The following DMD variants were observed in gnomAD, a reference collection of about 807,000 sequenced individuals.
The protein encoded by DMD is mutant dystrophin.
Under a neutral mutation model 330.1 loss-of-function variants are expected in DMD, and 63 were observed. The ratio of observed to expected loss-of-function variants is 0.19; its 90% CI spans 0.16 to 0.24. The LOEUF is 0.24. Ranked by LOEUF, DMD falls within the 10% of genes least tolerant of loss-of-function variation. The probability of loss-of-function intolerance (pLI) is 1.00; values close to 1 mark genes in which losing one functional copy is unlikely to be tolerated. For missense variants in DMD, 3,344 were observed against 2,684.1 expected, an observed-to-expected ratio of 1.25 and a Z score of -5.43; for synonymous variants, 1,223 against 959.8, an observed-to-expected ratio of 1.27 and a Z score of -5.07.
chrX:32,932,699 A>C (rs2089693674), intron 2 of DMD, among the ~76,000 whole-genome samples: 1 of 111,989 alleles, frequency 8.9e-6, no homozygotes, highest in Non-Finnish European at 1.9e-5. Context: ...GTGTAGTTTA[A>C]ACGATTGATG....
At chrX:32,689,253 G>T (rs1157640251) in intron 9 of DMD, among the ~76,000 whole-genome samples, 1 of 109,200 alleles carries the variant, frequency 9.2e-6, no homozygotes, top group Non-Finnish European at 1.9e-5. Flanking sequence ...ACACAATAAC[G>T]CTCCTTTAAT....
chrX:32,618,238 C>A (rs1270668262), intron 11 of DMD, among the ~76,000 whole-genome samples: 1 of 112,105 alleles, frequency 8.9e-6, no homozygotes, highest in African/African-American at 3.2e-5. Context: ...CAGCACTATT[C>A]ACAATCACAA....
intron 2 of DMD, among the ~76,000 whole-genome samples, chrX:32,853,656 C>T (rs1333716474): frequency 4.7e-5 from 5 of 106,212 alleles, no homozygotes; most frequent in Non-Finnish European, 9.6e-5. Context: ...AAAAGGAAGA[C>T]AGGATGGAAG....
intron 15 of DMD, among the ~76,000 whole-genome samples, chrX:32,568,883 T>A (rs1459521562): frequency 2.7e-5 from 3 of 112,171 alleles, no homozygotes; most frequent in African/African-American, 9.7e-5. Context: ...TCTTTTAAGC[T>A]TAGGTCTTAC....
chrX:33,118,776 T>A (rs186638296), intron 1 of DMD, among the ~76,000 whole-genome samples: 3 of 112,083 alleles, frequency 2.7e-5, no homozygotes, highest in African/African-American at 9.7e-5. Flanking sequence ...GGTATTACAT[T>A]AGCCAAGCCA....
chrX:32,593,315 C>T (rs938835642), intron 13 of DMD, among the ~76,000 whole-genome samples: 1 of 112,446 alleles, frequency 8.9e-6, no homozygotes, highest in African/African-American at 3.3e-5. Flanking sequence ...AAAGTTCAGT[C>T]TAAGTCAGAG....
At chrX:32,704,253 C>T (rs1297129084) in intron 7 of DMD, among the ~76,000 whole-genome samples, 3 of 92,200 alleles carry the variant, frequency 3.3e-5, no homozygotes, top group African/African-American at 2.3e-4. Flanking sequence ...TAACCTCATT[C>T]TCTCAGATAC....
chrX:32,678,971 A>G (rs1052533460), intron 9 of DMD, among the ~76,000 whole-genome samples: 8 of 112,425 alleles, frequency 7.1e-5, no homozygotes, highest in African/African-American at 2.3e-4. Context: ...TTATGAGGTC[A>G]TGTATAACAA....
At chrX:33,069,619 A>AT (rs1370106240) in intron 1 of DMD, among the ~76,000 whole-genome samples, 2 of 111,840 alleles carry the variant, frequency 1.8e-5, no homozygotes, top group Non-Finnish European at 3.8e-5. Flanking sequence ...GCATTCCTTG[A>AT]TTTTGGGAAA....
At chrX:32,685,298 T>C (rs1363288133) in intron 9 of DMD, among the ~76,000 whole-genome samples, 1 of 111,720 alleles carries the variant, frequency 9.0e-6, no homozygotes, top group Non-Finnish European at 1.9e-5. Flanking sequence ...CTAAATTTCT[T>C]CTTGAAATGA....
chrX:31,448,877 A>G (rs10521970), intron 59 of DMD, among the ~76,000 whole-genome samples: 5,802 of 112,298 alleles, frequency 0.052, 321 homozygotes, highest in African/African-American at 0.16. Flanking sequence ...GGTAAGTCTG[A>G]TATAATAAGT....
rs746510262 is a variant in DMD at position 31,801,586 on chromosome X, C to A, written c.7309+18389G>T. ...TGGATCTTAAGTGTCCTCATCCCCC[C>A]CCCCCAACACACACACAATAGTAAC... is the stretch of plus-strand genomic sequence containing the variant. On this transcript the variant is annotated intron_variant, in intron 50 of 78. Coordinates refer to ENST00000357033, the MANE Select transcript of DMD (RefSeq NM_004006.3). Among the ~76,000 whole-genome samples the A allele has an allele frequency of 2.8e-3, 221 of 77,728 alleles. 2 individuals are homozygous for A. The highest frequency in any genetic ancestry group is 9.8e-3 in the African/African-American group (218 of 22,157). 67.5% of individuals were successfully genotyped at this position (77,728 alleles called of 115,157 possible).
intron 63 of DMD, among the ~76,000 whole-genome samples, chrX:31,229,815 C>T (rs1344141607): frequency 8.9e-6 from 1 of 111,942 alleles, no homozygotes; most frequent in Non-Finnish European, 1.9e-5. Flanking sequence ...AATATGTCTC[C>T]AATTTTCCAG....
chrX:32,351,251 G>A (rs1016032137), intron 37 of DMD, among the ~76,000 whole-genome samples: 11 of 110,557 alleles, frequency 9.9e-5, no homozygotes, highest in African/African-American at 3.6e-4. Flanking sequence ...CTCAGGTCAA[G>A]CCCTTCCTCC....
intron 2 of DMD, among the ~76,000 whole-genome samples, chrX:32,994,334 A>T (rs1373038305): frequency 7.4e-5 from 5 of 67,461 alleles, no homozygotes; most frequent in African/African-American, 2.2e-4. Flanking sequence ...CCCCCAATTT[A>T]AAAAAAAAAA....
In DMD at chrX:33,007,838, C is replaced by A. The variant is rs756654846; in HGVS notation, c.93+12301G>T. Among the ~76,000 whole-genome samples, 28 of 111,645 alleles carry A rather than the reference C, an allele frequency of 2.5e-4. No homozygotes were observed. The South Asian group carries it at 0.01, about 41-fold the overall frequency. On this transcript the variant is annotated intron_variant, in intron 2 of 78. Coordinates refer to ENST00000357033, the MANE Select transcript of DMD (RefSeq NM_004006.3). ...AGATATGATACTCAAAATATTTATT[C>A]TCTGACTGACATAATAACTGCAGGT...
intron 16 of DMD, among the ~76,000 whole-genome samples, chrX:32,554,678 C>G (rs1335947132): frequency 9.3e-6 from 1 of 107,081 alleles, no homozygotes; most frequent in African/African-American, 3.4e-5. Context: ...TAGCTGAATT[C>G]TACTAGCGGT....
chrX:31,302,023 G>A (rs907931955), intron 62 of DMD, among the ~76,000 whole-genome samples: 3 of 112,018 alleles, frequency 2.7e-5, no homozygotes, highest in Non-Finnish European at 5.6e-5. Flanking sequence ...CTTCCAATGA[G>A]GAAACAAAGT....
intron 12 of DMD, among the ~76,000 whole-genome samples, chrX:32,601,224 G>A (rs961341008): frequency 5.4e-5 from 6 of 111,347 alleles, no homozygotes; most frequent in African/African-American, 2.0e-4. Context: ...AGCTTTCCAT[G>A]AAGATCTATT....
Sources: gnomAD v4.1 joint callset for allele counts (sites outside exome capture counted in the v4.1 genomes callset) on GRCh38, gnomAD v4.1.1 for gene constraint, MANE v1.5 for transcripts, NCBI Gene and HGNC (gene_info 2026-07-23, HGNC 2026-07-21) for gene names.